The following GLIS3 variants were observed in gnomAD, a reference collection of about 807,000 sequenced individuals.
The protein encoded by GLIS3 is GLIS family zinc finger 3, also known as zinc finger protein GLIS3.
GLIS3 carries 53 observed loss-of-function variants against 78.6 expected under a neutral mutation model. The ratio of observed to expected loss-of-function variants is 0.67; its 90% CI spans 0.54 to 0.85. The LOEUF (loss-of-function observed/expected upper bound fraction) is 0.85, where lower values mean the gene tolerates loss of function less well. GLIS3 is among the 40% of genes least tolerant of loss of function. The probability of loss-of-function intolerance (pLI) is 0.00; values close to 1 mark genes in which losing one functional copy is unlikely to be tolerated. For synonymous variants in GLIS3, 684 were observed against 509.9 expected, an observed-to-expected ratio of 1.34 and a Z score of -4.60; for missense variants, 1,703 against 1,231.1, an observed-to-expected ratio of 1.38 and a Z score of -5.74.
At chr9:4,200,699 CA>C (rs896276906) in intron 2 of GLIS3, among the ~76,000 whole-genome samples, 1 of 151,786 alleles carries the variant, frequency 6.6e-6, no homozygotes, top group Non-Finnish European at 1.5e-5. Context: ...TCCTACCAAC[CA>C]AAAAAAGCCC....
chr9:3,878,827 G>T (rs887803169), intron 8 of GLIS3: 1 of 157,302 alleles, frequency 6.4e-6, no homozygotes, highest in African/African-American at 2.4e-5. Context: ...GGAGAAGCAA[G>T]AGATGCAGAC....
At chr9:3,943,694 C>T (rs1816095615) in intron 4 of GLIS3, among the ~76,000 whole-genome samples, 1 of 152,164 alleles carries the variant, frequency 6.6e-6, no homozygotes, top group Admixed American at 6.5e-5. Context: ...TTCAAAGTTT[C>T]CCCGACCCTG....
chr9:4,398,310 A>C, the GLIS3 span, among the ~76,000 whole-genome samples: 1 of 152,046 alleles, frequency 6.6e-6, no homozygotes, highest in South Asian at 2.1e-4. Context: ...AATTAGCAGC[A>C]TTAGCATGAC....
chr9:4,066,337 G>T (rs920754645), intron 4 of GLIS3, among the ~76,000 whole-genome samples: 1 of 152,018 alleles, frequency 6.6e-6, no homozygotes, highest in African/African-American at 2.4e-5. Flanking sequence ...ACCGTGGGTG[G>T]GAAATCCTCT....
At chr9:3,891,043 G>A (rs2130545699) in intron 7 of GLIS3, among the ~76,000 whole-genome samples, 1 of 138,490 alleles carries the variant, frequency 7.2e-6, no homozygotes, top group East Asian at 2.1e-4. Context: ...AAACTTTTAG[G>A]CTTCCACTTT....
chr9:4,323,714 G>A (rs769108734), intron 2 of GLIS3, among the ~76,000 whole-genome samples: 2 of 152,172 alleles, frequency 1.3e-5, no homozygotes, highest in Non-Finnish European at 2.9e-5. Context: ...ACATCTGCAT[G>A]ATTGGGATCT....
At chr9:4,315,347 A>C (rs1257650753) in intron 2 of GLIS3, among the ~76,000 whole-genome samples, 2 of 151,686 alleles carry the variant, frequency 1.3e-5, no homozygotes, top group African/African-American at 4.9e-5. Context: ...TTGCCGGGAG[A>C]CTCTGGGGTC....
At chr9:4,157,710 A>G (rs1394984719) in intron 2 of GLIS3, among the ~76,000 whole-genome samples, 2 of 152,172 alleles carry the variant, frequency 1.3e-5, no homozygotes, top group Non-Finnish European at 2.9e-5. Flanking sequence ...CATGCATTAC[A>G]GGAGGATTTA....
chr9:4,173,448 C>T (rs918247621), intron 2 of GLIS3, among the ~76,000 whole-genome samples: 2 of 151,988 alleles, frequency 1.3e-5, no homozygotes, highest in African/African-American at 4.8e-5. Flanking sequence ...GCTTCAAATT[C>T]TTGGAACAAT....
At chr9:4,447,174 A>T in the GLIS3 span, among the ~76,000 whole-genome samples, 1 of 152,092 alleles carries the variant, frequency 6.6e-6, no homozygotes, top group Non-Finnish European at 1.5e-5. Flanking sequence ...TAGCCTCCCA[A>T]GTAGCTGGGA....
At chr9:4,039,403 T>C (rs566652663) in intron 4 of GLIS3, among the ~76,000 whole-genome samples, 5 of 152,274 alleles carry the variant, frequency 3.3e-5, no homozygotes, top group Non-Finnish European at 5.9e-5. Context: ...TCTCTCTCTC[T>C]CTCTTCCAGA....
intron 2 of GLIS3, among the ~76,000 whole-genome samples, chr9:4,255,281 G>C (rs1451321279): frequency 2.0e-5 from 3 of 152,214 alleles, no homozygotes; most frequent in African/African-American, 7.2e-5. Flanking sequence ...AAATGGTACA[G>C]CTACTTTGGA....
At chr9:4,136,858 T>C (rs1833444196) in intron 2 of GLIS3, among the ~76,000 whole-genome samples, 1 of 152,210 alleles carries the variant, frequency 6.6e-6, no homozygotes, top group Non-Finnish European at 1.5e-5. Context: ...CAAACCTGGC[T>C]ACATATTGGC....
intron 2 of GLIS3, among the ~76,000 whole-genome samples, chr9:4,165,195 C>G (rs1835784078): frequency 6.6e-6 from 1 of 152,174 alleles, no homozygotes; most frequent in Non-Finnish European, 1.5e-5. Flanking sequence ...AATCCCAGCA[C>G]TTTGGGAGGC....
chr9:3,968,088 C>T (rs573015635), intron 4 of GLIS3, among the ~76,000 whole-genome samples: 1 of 152,232 alleles, frequency 6.6e-6, no homozygotes, highest in African/African-American at 2.4e-5. Context: ...GGCTAAAATA[C>T]GATGTGGATT....
chr9:4,428,729 C>T, the GLIS3 span, among the ~76,000 whole-genome samples: 21 of 151,978 alleles, frequency 1.4e-4, no homozygotes, highest in African/African-American at 3.1e-4. Flanking sequence ...CTAGGAATCC[C>T]GCAAAAGCCA....
upstream of GLIS3, among the ~76,000 whole-genome samples, chr9:4,302,048 G>C (rs1185462566): frequency 6.6e-6 from 1 of 150,836 alleles, no homozygotes; most frequent in Admixed American, 6.6e-5. Context: ...TATTCCATGG[G>C]TTATAGTAAA....
intron 9 of GLIS3, among the ~76,000 whole-genome samples, chr9:3,853,550 C>G (rs899364594): frequency 1.3e-5 from 2 of 152,140 alleles, no homozygotes; most frequent in African/African-American, 4.8e-5. Context: ...AATTAAGCTC[C>G]TACTCTGTGC....
At chr9:4,146,676 AT>A (rs1281456804) in intron 2 of GLIS3, among the ~76,000 whole-genome samples, 3 of 152,334 alleles carry the variant, frequency 2.0e-5, no homozygotes, top group Non-Finnish European at 2.9e-5. Flanking sequence ...AGTGAATTAG[AT>A]TTTTCAGCAG....
Sources: allele counts gnomAD v4.1 joint callset (sites outside exome capture counted in the v4.1 genomes callset), GRCh38; gene constraint gnomAD v4.1.1; transcripts MANE v1.5; gene names NCBI Gene and HGNC (gene_info 2026-07-23, HGNC 2026-07-21).